TMEM71: variants seen among roughly 807,000 people sequenced by gnomAD.
TMEM71 encodes transmembrane protein 71.
A neutral mutation model predicts 38.0 loss-of-function variants in TMEM71; 44 were observed. The ratio of observed to expected loss-of-function variants is 1.16; its 90% CI spans 0.91 to 1.49. The LOEUF (loss-of-function observed/expected upper bound fraction) is 1.49. Ranked by LOEUF, TMEM71 falls within the 40% of genes most tolerant of loss-of-function variation. The probability of loss-of-function intolerance (pLI) is 0.00; values close to 1 mark genes in which losing one functional copy is unlikely to be tolerated. For synonymous variants in TMEM71, 133 were observed against 122.5 expected (o/e 1.09, Z -0.56); for missense variants, 367 against 348.6 (o/e 1.05, Z -0.42).
chr8:132,739,050 A>C (rs116057104), intron 5 of TMEM71, among the ~76,000 whole-genome samples: 229 of 152,310 alleles, frequency 1.5e-3, no homozygotes, highest in African/African-American at 5.4e-3. Context: ...AATCAAAGTT[A>C]CTGAAAATTA....
intron 3 of TMEM71, 140 bp from the exon 4 acceptor site, chr8:132,752,137 A>T: frequency 1.4e-6 from 1 of 704,228 alleles, no homozygotes. Flanking sequence ...TAGGAATGTC[A>T]CTCTTAATGT....
In TMEM71 at chr8:132,722,083, C is replaced by G; in HGVS notation, c.709G>C (p.Ala237Pro). The change falls in exon 7 of 10, where the codon GCA (alanine) becomes CCA (proline). Residue 237 changes from alanine (A) to proline (P), a missense_variant. Ala to Pro is a conservative substitution (Grantham distance 27). Coordinates refer to ENST00000677595, the MANE Select transcript of TMEM71 (RefSeq NM_001382403.1). ...TRLLQEVFFQ[A>P]ILLAVCLIIS... Reference sequence around the variant, plus strand: ...ATTAAGCACACAGCAAGCAGGATTGCCTGAAAGAAGACCTCTTGCAACAAC... The same window carrying G: ...ATTAAGCACACAGCAAGCAGGATTGGCTGAAAGAAGACCTCTTGCAACAAC... The G allele has an allele frequency of 6.2e-7, 1 of 1,613,826 alleles. No homozygotes were observed.
intron 5 of TMEM71, among the ~76,000 whole-genome samples, chr8:132,744,959 G>T (rs1828255590): frequency 1.3e-5 from 2 of 152,204 alleles, no homozygotes; most frequent in East Asian, 3.9e-4. Flanking sequence ...AATGGAGCTG[G>T]GATAGCTATA....
At chr8:132,748,731 G>A (rs1196590054) in intron 4 of TMEM71, among the ~76,000 whole-genome samples, 1 of 152,094 alleles carries the variant, frequency 6.6e-6, no homozygotes, top group Non-Finnish European at 1.5e-5. Context: ...TTATGGGATG[G>A]GCACTCATCA....
At chr8:132,772,630 C>A in the TMEM71 span, among the ~76,000 whole-genome samples, 1 of 152,120 alleles carries the variant, frequency 6.6e-6, no homozygotes, top group Non-Finnish European at 1.5e-5. Flanking sequence ...CACACCCTCT[C>A]CACTTCCCAA....
chr8:132,746,244 T>G lies in TMEM71; in HGVS notation c.487+698A>C, dbSNP rs920309509. ...ATCACTGTGTTTATATACATGTATATACACATATTTACCTGTATTAATATT... is the reference window on the plus strand; with the variant it reads ...ATCACTGTGTTTATATACATGTATAGACACATATTTACCTGTATTAATATT... On this transcript the variant is annotated intron_variant, in intron 5 of 9. Coordinates refer to ENST00000677595, the MANE Select transcript of TMEM71 (RefSeq NM_001382403.1). 4.1e-4 allele frequency among the ~76,000 whole-genome samples: 62 copies of G among 150,724 alleles called. 1 individual carries two copies. Among genetic ancestry groups the G allele is most frequent in the Middle Eastern group, 3.5e-3 (1 of 284 alleles).
upstream of TMEM71, among the ~76,000 whole-genome samples, chr8:132,763,446 T>C (rs1829327321): frequency 6.6e-6 from 1 of 152,226 alleles, no homozygotes; most frequent in African/African-American, 2.4e-5. Flanking sequence ...TTCTGCATGT[T>C]ATAAATCAAT....
At chr8:132,748,359 A>G (rs1215188127) in intron 4 of TMEM71, among the ~76,000 whole-genome samples, 1 of 152,236 alleles carries the variant, frequency 6.6e-6, no homozygotes, top group Non-Finnish European at 1.5e-5. Flanking sequence ...ATGTTACACC[A>G]GGGAAGGAGT....
intron 5 of TMEM71, among the ~76,000 whole-genome samples, chr8:132,735,015 A>G (rs1330472316): frequency 7.2e-5 from 11 of 152,194 alleles, no homozygotes; most frequent in Admixed American, 7.2e-4. Context: ...AGTTCTAGAG[A>G]AAGGCATGCA....
intron 3 of TMEM71, among the ~76,000 whole-genome samples, chr8:132,756,415 A>AT (rs1829016210): frequency 3.3e-5 from 2 of 61,346 alleles, no homozygotes; most frequent in Non-Finnish European, 4.1e-5. Context: ...TATATATTAT[A>AT]TATATATATA....
chr8:132,766,230 T>A, the TMEM71 span, among the ~76,000 whole-genome samples: 2 of 152,118 alleles, frequency 1.3e-5, no homozygotes, highest in Non-Finnish European at 2.9e-5. Context: ...CAGAAATACA[T>A]AATGGCTTTT....
upstream of TMEM71, among the ~76,000 whole-genome samples, chr8:132,764,056 C>T (rs548915323): frequency 6.6e-6 from 1 of 152,162 alleles, no homozygotes; most frequent in Non-Finnish European, 1.5e-5. Flanking sequence ...ATATCTTCCA[C>T]CCAATCACTC....
the TMEM71 span, among the ~76,000 whole-genome samples, chr8:132,767,764 C>T: frequency 1.6e-4 from 25 of 152,254 alleles, no homozygotes; most frequent in Admixed American, 1.4e-3. Context: ...TGTGAGCCAC[C>T]GCGCCCGGCC....
At chr8:132,708,646 C>T (rs140252148), downstream of TMEM71, among the ~76,000 whole-genome samples, 1 of 152,278 alleles carries the variant, frequency 6.6e-6, no homozygotes, top group Non-Finnish European at 1.5e-5. Flanking sequence ...ATCTGCATTC[C>T]AGAACTCTGG....
intron 6 of TMEM71, among the ~76,000 whole-genome samples, chr8:132,722,329 T>C (rs1004655935): frequency 1.4e-4 from 22 of 152,346 alleles, no homozygotes; most frequent in Admixed American, 6.5e-4. Context: ...ATAATTACTT[T>C]CTTCAATCAC....
chr8:132,768,545 G>A, the TMEM71 span, among the ~76,000 whole-genome samples: 1 of 151,936 alleles, frequency 6.6e-6, no homozygotes, highest in South Asian at 2.1e-4. Context: ...TTCAATTGTA[G>A]CATTTTTTGA....
chr8:132,721,959 G>A, intron 7 of TMEM71, 81 bp downstream of exon 7: 1 of 1,244,512 alleles, frequency 8.0e-7, no homozygotes, highest in Non-Finnish European at 1.2e-6. Flanking sequence ...ATGTTTTGTG[G>A]AATAAGGCAA....
intron 3 of TMEM71, among the ~76,000 whole-genome samples, chr8:132,756,016 T>C (rs1437226718): frequency 6.6e-6 from 1 of 152,182 alleles, no homozygotes; most frequent in African/African-American, 2.4e-5. Context: ...ATTGATTCGT[T>C]TGCTAGTATC....
the TMEM71 span, among the ~76,000 whole-genome samples, chr8:132,766,665 C>T: frequency 2.6e-5 from 4 of 151,902 alleles, no homozygotes; most frequent in Admixed American, 1.3e-4. Flanking sequence ...GTGGCTTAAG[C>T]CTGTGGTCCC....
Sources: gnomAD v4.1 joint callset for allele counts (sites outside exome capture counted in the v4.1 genomes callset) on GRCh38, gnomAD v4.1.1 for gene constraint, MANE v1.5 for transcripts, NCBI Gene and HGNC (gene_info 2026-07-23, HGNC 2026-07-21) for gene names.